Variants in DMD observed in about 807,000 individuals in gnomAD.
DMD encodes mutant dystrophin.
In DMD, 63 loss-of-function variants were observed where a neutral mutation model predicts 330.1. The observed-to-expected ratio is 0.19, with a 90% CI of 0.16 to 0.24. DMD has a LOEUF of 0.24. DMD is among the 10% of genes least tolerant of loss of function. DMD has a pLI of 1.00. For synonymous variants in DMD, 1,223 were observed against 959.8 expected (o/e 1.27, Z -5.07); for missense variants, 3,344 against 2,684.1 (o/e 1.25, Z -5.43).
At chrX:31,721,685 A>ACTCT (rs767300805) in intron 52 of DMD, among the ~76,000 whole-genome samples, 6,431 of 37,402 alleles carry the variant, frequency 0.17, 303 homozygotes, top group Non-Finnish European at 0.19. Context: ...TCTCTCTCTC[A>ACTCT]CTCTCTCTCT....
intron 29 of DMD, among the ~76,000 whole-genome samples, chrX:32,427,621 TA>T (rs34233929): frequency 0.068 from 6,737 of 99,807 alleles, 475 homozygotes; most frequent in African/African-American, 0.2. Flanking sequence ...CTGATTTTGG[TA>T]AAAAAAAAAA....
At chrX:32,509,656 C>T (rs775289909) in intron 18 of DMD, among the ~76,000 whole-genome samples, 6 of 111,910 alleles carry the variant, frequency 5.4e-5, no homozygotes, top group Non-Finnish European at 7.5e-5. Context: ...CTCACTTTAC[C>T]TATCACCATG....
chrX:32,973,977 G>C (rs982984036), intron 2 of DMD, among the ~76,000 whole-genome samples: 4 of 111,075 alleles, frequency 3.6e-5, no homozygotes, highest in African/African-American at 1.3e-4. Context: ...GAAACATATG[G>C]CCATTTGTGA....
intron 1 of DMD, among the ~76,000 whole-genome samples, chrX:33,097,081 A>C (rs1326034146): frequency 9.0e-6 from 1 of 111,717 alleles, no homozygotes; most frequent in Non-Finnish European, 1.9e-5. Flanking sequence ...GAATGTAAAA[A>C]ATAATACCTG....
intron 11 of DMD, among the ~76,000 whole-genome samples, chrX:32,637,880 T>G (rs915168168): frequency 8.9e-6 from 1 of 112,046 alleles, no homozygotes; most frequent in Admixed American, 9.4e-5. Context: ...CAATTCAAGA[T>G]GAGCCAAACC....
chrX:31,153,260 T>C (rs757500495), intron 74 of DMD, among the ~76,000 whole-genome samples: 58 of 112,194 alleles, frequency 5.2e-4, no homozygotes, highest in Non-Finnish European at 1.0e-3. Context: ...GGGCCATAGC[T>C]GCATATAAGC....
At chrX:31,702,693 A>G (rs906678452) in intron 52 of DMD, among the ~76,000 whole-genome samples, 1 of 110,750 alleles carries the variant, frequency 9.0e-6, no homozygotes, top group Admixed American at 9.6e-5. Context: ...TCTGGGCCCT[A>G]TTAAGGCTCT....
At chrX:31,456,836 ATGTGTG>A (rs5901988) in intron 59 of DMD, among the ~76,000 whole-genome samples, 198 of 83,225 alleles carry the variant, frequency 2.4e-3, no homozygotes, top group East Asian at 4.4e-3. Flanking sequence ...GCCCACATAT[ATGTGTG>A]TGTGTGTGTG....
At chrX:33,316,838 C>T (rs1466945867) in intron 1 of DMD, among the ~76,000 whole-genome samples, 1 of 110,912 alleles carries the variant, frequency 9.0e-6, no homozygotes, top group Non-Finnish European at 1.9e-5. Context: ...TATGCTGAGT[C>T]TTCCAATCCA....
chrX:32,856,916 A>C (rs1171560795), intron 2 of DMD, among the ~76,000 whole-genome samples: 1 of 111,043 alleles, frequency 9.0e-6, no homozygotes, highest in African/African-American at 3.3e-5. Context: ...TCTACTAAAA[A>C]TACAAAAAAT....
chrX:31,911,920 T>G (rs1241798701), intron 47 of DMD, among the ~76,000 whole-genome samples: 3 of 111,983 alleles, frequency 2.7e-5, no homozygotes, highest in African/African-American at 9.7e-5. Context: ...AGTGGGTGCC[T>G]CATAAGCAGA....
intron 1 of DMD, among the ~76,000 whole-genome samples, chrX:33,122,594 C>A (rs1569555776): frequency 8.9e-6 from 1 of 112,149 alleles, no homozygotes; most frequent in Non-Finnish European, 1.9e-5. Flanking sequence ...AAATCTGACT[C>A]TTAACTTTCA....
At chrX:32,819,866 A>G (rs1212031141) in intron 5 of DMD, among the ~76,000 whole-genome samples, 3 of 108,389 alleles carry the variant, frequency 2.8e-5, no homozygotes, top group East Asian at 5.7e-4. Context: ...AAAAAAAAAA[A>G]GAAAAACACA....
At chrX:31,490,280 T>C (rs756499269) in intron 57 of DMD, among the ~76,000 whole-genome samples, 79 of 112,376 alleles carry the variant, frequency 7.0e-4, no homozygotes, top group African/African-American at 2.3e-3. Context: ...TGAATCACTC[T>C]GGCCGGGCGC....
chrX:32,558,652 A>G (rs1053118123), intron 16 of DMD, among the ~76,000 whole-genome samples: 3 of 111,726 alleles, frequency 2.7e-5, no homozygotes, highest in Non-Finnish European at 5.6e-5. Context: ...AAGCAAAGAG[A>G]AACATATCAA....
chrX:32,544,719 G>A (rs936491116), intron 17 of DMD, among the ~76,000 whole-genome samples: 3 of 109,993 alleles, frequency 2.7e-5, no homozygotes, highest in South Asian at 3.9e-4. Context: ...TCATGTTCTC[G>A]TAAACTACCA....
intron 1 of DMD, among the ~76,000 whole-genome samples, chrX:33,163,514 C>T (rs112275927): frequency 0.012 from 1,292 of 105,732 alleles, 15 homozygotes; most frequent in African/African-American, 0.043. Context: ...CCAGCCTGGG[C>T]AACAGAGTGA....
chrX:32,782,112 T>G (rs2074826652), intron 7 of DMD, among the ~76,000 whole-genome samples: 1 of 111,692 alleles, frequency 9.0e-6, no homozygotes. Flanking sequence ...ATGAAAACTT[T>G]GAAAAATGTT....
intron 74 of DMD, among the ~76,000 whole-genome samples, chrX:31,162,370 A>AAAAAAAAAAAAAAAAAG: frequency 9.8e-6 from 1 of 101,691 alleles, no homozygotes; most frequent in Non-Finnish European, 1.9e-5. Flanking sequence ...AAAAAAAAAA[A>AAAAAAAAAAAAAAAAAG]AAAAAAAAGG....
Sources: gnomAD v4.1 joint callset for allele counts (sites outside exome capture counted in the v4.1 genomes callset) on GRCh38, gnomAD v4.1.1 for gene constraint, MANE v1.5 for transcripts, NCBI Gene and HGNC (gene_info 2026-07-23, HGNC 2026-07-21) for gene names.